Variants in JAK1 observed in about 807,000 individuals in gnomAD.
JAK1 encodes Janus kinase 1.
JAK1 carries 16 observed loss-of-function variants against 136.6 expected under a neutral mutation model. That is an observed-to-expected ratio of 0.12 (90% CI 0.08 to 0.18). The LOEUF is 0.18. Ranked by LOEUF, JAK1 falls within the 10% of genes least tolerant of loss-of-function variation. The pLI is 1.00. For synonymous variants in JAK1, 492 were observed against 519.5 expected (o/e 0.95, Z 0.72); for missense variants, 859 against 1,450.1 (o/e 0.59, Z 6.62).
At chr1:65,001,677 G>GT (rs1557752393) in intron 2 of JAK1, among the ~76,000 whole-genome samples, 9 of 120,072 alleles carry the variant, frequency 7.5e-5, no homozygotes. Flanking sequence ...AAGTGTGTGT[G>GT]TGGGGGGGGG....
chr1:64,986,016 T>C (rs1286901012), intron 2 of JAK1: 6 of 1,350,178 alleles, frequency 4.4e-6, no homozygotes, highest in Non-Finnish European at 6.3e-6. Flanking sequence ...CCCAGTGTTG[T>C]AGCCAAATTG....
intron 1 of JAK1, among the ~76,000 whole-genome samples, chr1:64,899,111 G>T (rs1553025): frequency 6.6e-6 from 1 of 152,184 alleles, no homozygotes; most frequent in South Asian, 2.1e-4. Context: ...ACAATAATTT[G>T]AAGTATCATT....
intron 1 of JAK1, among the ~76,000 whole-genome samples, chr1:64,919,340 A>C (rs1031774405): frequency 1.3e-5 from 2 of 152,222 alleles, no homozygotes; most frequent in Non-Finnish European, 2.9e-5. Flanking sequence ...TACAAAGGAC[A>C]TGAACTCATC....
intron 1 of JAK1, among the ~76,000 whole-genome samples, chr1:64,940,309 A>G (rs952216033): frequency 7.2e-6 from 1 of 139,146 alleles, no homozygotes; most frequent in African/African-American, 2.5e-5. Context: ...AGCTTATACC[A>G]ATTTCAATTT....
At chr1:64,928,798 A>AAAAAAAAAAAAAC (rs1557699679) in intron 1 of JAK1, among the ~76,000 whole-genome samples, 26 of 89,982 alleles carry the variant, frequency 2.9e-4, no homozygotes, top group African/African-American at 1.4e-3. Context: ...AAAAAAAAAC[A>AAAAAAAAAAAAAC]AAAAAAAAAA....
chr1:64,905,023 T>C (rs1056750335), intron 1 of JAK1, among the ~76,000 whole-genome samples: 2 of 152,148 alleles, frequency 1.3e-5, no homozygotes, highest in Non-Finnish European at 2.9e-5. Context: ...AGAGAAAATA[T>C]GGTCACCTAG....
intron 2 of JAK1, among the ~76,000 whole-genome samples, chr1:65,031,979 C>G (rs901228204): frequency 3.3e-5 from 2 of 59,968 alleles, no homozygotes; most frequent in African/African-American, 6.7e-5. Context: ...TTTTTTTTTT[C>G]TTGTGAGATG....
chr1:64,868,298 A>G (rs917303535), intron 6 of JAK1, among the ~76,000 whole-genome samples: 3 of 152,112 alleles, frequency 2.0e-5, no homozygotes, highest in Admixed American at 2.0e-4. Flanking sequence ...GCGGAGACTG[A>G]TCTGCTTGTT....
chr1:64,988,081 T>C (rs1193731509), intron 2 of JAK1, among the ~76,000 whole-genome samples: 1 of 152,220 alleles, frequency 6.6e-6, no homozygotes. Flanking sequence ...GTCAATTATG[T>C]GTGTGTTTTC....
intron 12 of JAK1, among the ~76,000 whole-genome samples, chr1:64,849,181 G>A (rs1381955444): frequency 2.0e-5 from 3 of 151,740 alleles, no homozygotes; most frequent in Non-Finnish European, 4.4e-5. Context: ...TCATCCTCCA[G>A]GAGGAGACCC....
intron 1 of JAK1, among the ~76,000 whole-genome samples, chr1:64,896,759 C>A (rs1645019761): frequency 6.6e-6 from 1 of 152,160 alleles, no homozygotes; most frequent in Non-Finnish European, 1.5e-5. Flanking sequence ...AAGAGCACGT[C>A]TGGAGAAGGT....
chr1:64,850,925 G>A lies in JAK1; in HGVS notation c.1649-15C>T. The A allele has an allele frequency of 6.4e-7, 1 of 1,562,990 alleles. No homozygotes were observed. On this transcript the variant is annotated splice_polypyrimidine_tract_variant and intron_variant, in intron 11 of 24. Transcript: ENST00000342505. Reference sequence around the variant, plus strand: ...GTTGGAGATTTCTGTGGAAGAGATTGGGGGAGTCTGAGCACAGCACCCAAG... The same window carrying A: ...GTTGGAGATTTCTGTGGAAGAGATTAGGGGAGTCTGAGCACAGCACCCAAG...
intron 2 of JAK1, among the ~76,000 whole-genome samples, chr1:65,022,675 T>G (rs1329311161): frequency 6.6e-6 from 1 of 152,240 alleles, no homozygotes. Flanking sequence ...TTTTATTATC[T>G]TCTTTATTTT....
chr1:64,841,386 G>A (rs2100975572), intron 18 of JAK1, 47 bp from the exon 19 acceptor site: 1 of 1,611,446 alleles, frequency 6.2e-7, no homozygotes, highest in South Asian at 1.1e-5. Flanking sequence ...TCGATTGCCA[G>A]GGATTGCCAC....
chr1:64,974,305 C>A (rs1646479526), intron 2 of JAK1: 1 of 152,214 alleles, frequency 6.6e-6, no homozygotes, highest in Non-Finnish European at 1.5e-5. Context: ...AACTGCCCCA[C>A]AGATGAGTAG....
chr1:65,007,988 G>A (rs556809100), intron 2 of JAK1, among the ~76,000 whole-genome samples: 2 of 152,136 alleles, frequency 1.3e-5, no homozygotes, highest in Non-Finnish European at 1.5e-5. Flanking sequence ...CAGGTGATCC[G>A]CCTGCCTTGG....
In JAK1 at chr1:64,992,233, A is replaced by C. The variant is rs902265620; in HGVS notation, c.-78+52247T>G. On this transcript the variant is annotated intron_variant, in intron 2 of 25. Transcript: ENST00000671954. ...CGCCTCTACTAAAAATACAAGAATT[A>C]GCTGGACATGGTGGCTCACGTCTGT... is the stretch of plus-strand genomic sequence containing the variant. 5.9e-5 allele frequency: 9 copies of C among 152,102 alleles called. 1 individual carries two copies. Among genetic ancestry groups the C allele is most frequent in the African/African-American group, 2.2e-4 (9 of 41,410 alleles). The allele number at this position is 152,102 out of a possible 1,614,324, so 9.4% of individuals were successfully genotyped here. A position where few individuals can be genotyped will look rare whatever the true frequency, so the allele number is the denominator to read the frequency against.
At chr1:64,997,496 G>A (rs1015368718) in intron 2 of JAK1, among the ~76,000 whole-genome samples, 3 of 152,124 alleles carry the variant, frequency 2.0e-5, no homozygotes, top group African/African-American at 2.4e-5. Context: ...CTTAATAAAA[G>A]ATGTAGGATG....
chr1:64,976,030 A>T (rs1175489564), intron 2 of JAK1, among the ~76,000 whole-genome samples: 3 of 152,180 alleles, frequency 2.0e-5, no homozygotes, highest in South Asian at 2.1e-4. Context: ...ATTAACACAG[A>T]GTTTTGGGGA....
Sources: gnomAD v4.1 joint callset for allele counts (sites outside exome capture counted in the v4.1 genomes callset) on GRCh38, gnomAD v4.1.1 for gene constraint, MANE v1.5 for transcripts, NCBI Gene and HGNC (gene_info 2026-07-23, HGNC 2026-07-21) for gene names.